Variants in OSGIN1 observed in about 807,000 individuals in gnomAD.
OSGIN1 encodes oxidative stress induced growth inhibitor 1.
OSGIN1 carries 19 observed loss-of-function variants against 20.1 expected under a neutral mutation model. That is an observed-to-expected ratio of 0.95 (90% CI 0.66 to 1.39). The LOEUF (loss-of-function observed/expected upper bound fraction) is 1.39. Ranked by LOEUF, OSGIN1 falls within the 40% of genes most tolerant of loss-of-function variation. The pLI is 0.00. For synonymous variants in OSGIN1, 368 were observed against 297.8 expected, an observed-to-expected ratio of 1.24 and a Z score of -2.43; for missense variants, 820 against 653.0, an observed-to-expected ratio of 1.26 and a Z score of -2.79.
rs932744492 is a variant in OSGIN1, at chr16:83,959,184, C to G, written c.68-76C>G. The G allele has an allele frequency of 2.3e-5, 23 of 1,016,386 alleles. No homozygotes were observed. The African/African-American group carries it at 2.7e-4, about 12-fold the overall frequency. The allele number at this position is 1,016,386 out of a possible 1,614,324, so 63.0% of individuals were successfully genotyped here. A position where few individuals can be genotyped will look rare whatever the true frequency, so the allele number is the denominator to read the frequency against. The stretch of plus-strand genomic sequence containing the variant: ...GGATAAATGAATGAATGCGCCGCAT[C>G]TAGATCAAAGCCCTCCACAGTAGTG... On this transcript the variant is annotated intron_variant, in intron 2 of 5. Transcript: ENST00000393306.
Position 83,965,381 on chromosome 16 carries a change from T to C in OSGIN1, c.808T>C (p.Ser270Pro), listed in dbSNP as rs751896752. The stretch of plus-strand genomic sequence containing the variant: ...CCTGCCCTTCATCCACCATGAGCTG[T>C]CTGCCCTGGAGGCCGCCACAAGGGT... ...EALPFIHHEL[S>P]ALEAATRVGA... Residue 270 changes from serine (S) to proline (P), a missense_variant, in exon 6 of 6, where the codon TCT (serine) becomes CCT (proline). Physicochemically the swap from Ser to Pro is moderately conservative, Grantham distance 74. Transcript: ENST00000393306. The C allele has an allele frequency of 6.4e-7, 1 of 1,573,724 alleles. No homozygotes were observed. Among genetic ancestry groups the C allele is most frequent in the Non-Finnish European group, 8.6e-7 (1 of 1,162,708 alleles).
At chr16:83,956,683 C>A (rs938403770) in intron 1 of OSGIN1, among the ~76,000 whole-genome samples, 1 of 152,206 alleles carries the variant, frequency 6.6e-6, no homozygotes, top group Non-Finnish European at 1.5e-5. Context: ...ACAGGGTCAG[C>A]GTGAGGCGGA....
Position 83,961,038 on chromosome 16 carries a change from C to T in OSGIN1, c.454C>T (p.Leu152=). The change falls in exon 5 of 6, where the codon CTG becomes TTG. Residue 152 remains leucine (L), a synonymous_variant. Transcript: ENST00000393306. Reference sequence around the variant, plus strand: ...AGGCCAGTGGATGGGGCTCCCGGACCTGGAGGTCAAGGACTGGATGCAGAA... The same window carrying T: ...AGGCCAGTGGATGGGGCTCCCGGACTTGGAGGTCAAGGACTGGATGCAGAA... The part of the protein sequence containing the change: ...SQGQWMGLPD[L]EVKDWMQKKR... The T allele has an allele frequency of 1.2e-6, 2 of 1,613,582 alleles. No homozygotes were observed. The highest frequency in any genetic ancestry group is 1.7e-6 in the Non-Finnish European group (2 of 1,180,016).
At chr16:83,960,830 C>T (rs1052100608) in intron 4 of OSGIN1, 70 bp downstream of exon 4, 62 of 1,524,922 alleles carry the variant, frequency 4.1e-5, no homozygotes, top group Admixed American at 5.5e-5. Context: ...GGGGCTGGGA[C>T]TCTGGCATCT....
At chr16:83,958,778 A>G (rs1336049473) in intron 2 of OSGIN1, among the ~76,000 whole-genome samples, 3 of 152,166 alleles carry the variant, frequency 2.0e-5, no homozygotes, top group Non-Finnish European at 4.4e-5. Flanking sequence ...CCACCACTCA[A>G]GTTCGCCCCC....
chr16:83,966,058 A>G lies in OSGIN1; in HGVS notation c.*51A>G. The G allele has an allele frequency of 1.5e-6, 2 of 1,356,834 alleles. No homozygotes were observed. Among genetic ancestry groups the G allele is most frequent in the Non-Finnish European group, 2.0e-6 (2 of 1,015,440 alleles). The allele number at this position is 1,356,834 out of a possible 1,614,324, so 84.0% of individuals were successfully genotyped here. On this transcript the variant is annotated 3_prime_UTR_variant, in exon 6 of 6. Coordinates refer to ENST00000393306, the MANE Select transcript of OSGIN1 (RefSeq NM_182981.3). ...AGGCCCTGAGAGGACAGAGATGACC[A>G]CATCCCTGCTGGATGCAGGACCCGT...
intron 2 of OSGIN1, among the ~76,000 whole-genome samples, chr16:83,958,874 A>G (rs2665299): frequency 0.84 from 127,910 of 152,194 alleles, 54,271 homozygotes; most frequent in African/African-American, 0.96. Flanking sequence ...GTCGTCAGAT[A>G]TTCCCTCTGT....
At chr16:83,954,957 G>T (rs949056040) in intron 1 of OSGIN1, among the ~76,000 whole-genome samples, 3 of 152,212 alleles carry the variant, frequency 2.0e-5, no homozygotes, top group Non-Finnish European at 4.4e-5. Context: ...TGGTGAAGGG[G>T]CTGGGGTGCC....
chr16:83,953,369 A>C lies in OSGIN1; in HGVS notation c.-34A>C. On this transcript the variant is annotated splice_region_variant and 5_prime_UTR_variant, in exon 1 of 6. Transcript: ENST00000393306. ...CTGGGCTCCTGCACCACTGCCTGTC[A>C]GGTGAGTGTCCGGGGCCAGGTTCCG... The C allele has an allele frequency of 7.8e-7, 1 of 1,288,738 alleles. No individual in the cohort carries two copies. Among genetic ancestry groups the C allele is most frequent in the Non-Finnish European group, 1.0e-6 (1 of 988,452 alleles). The allele number at this position is 1,288,738 out of a possible 1,614,324, so 79.8% of individuals were successfully genotyped here. A position where few individuals can be genotyped will look rare whatever the true frequency, so the allele number is the denominator to read the frequency against.
Position 83,960,619 on chromosome 16 carries a change from G to T in OSGIN1, c.255G>T (p.Val85=). 6.2e-7 allele frequency: 1 copy of T among 1,613,480 alleles called. No individual in the cohort carries two copies. The highest frequency in any genetic ancestry group is 8.5e-7 in the Non-Finnish European group (1 of 1,180,026). ...TCGAAGGCCGATCCCAAAGCCCCGT[G>T]GCCCTGCTCTTTGATGCCCTTCTAC... The part of the protein sequence containing the change: ...EGLEGRSQSP[V]ALLFDALLRP... Residue 85 remains valine (V), a synonymous_variant, in exon 4 of 6, where the codon GTG becomes GTT. Transcript: ENST00000393306.
At chr16:83,961,094 T>G (rs368958150) in intron 5 of OSGIN1, 22 bp downstream of exon 5, 2 of 1,589,560 alleles carry the variant, frequency 1.3e-6, no homozygotes, top group East Asian at 2.2e-5. Flanking sequence ...CCGGAACGCC[T>G]TGGGGGACAC....
At chr16:83,960,378 G>A (rs1335463651) in intron 3 of OSGIN1, among the ~76,000 whole-genome samples, 191 bp from the exon 4 acceptor site, 1 of 152,180 alleles carries the variant, frequency 6.6e-6, no homozygotes, top group Non-Finnish European at 1.5e-5. Context: ...CTGTACTCTG[G>A]GGCCCTTGGC....
At chr16:83,959,419 C>T in intron 3 of OSGIN1, 23 bp downstream of exon 3, 1 of 1,611,640 alleles carries the variant, frequency 6.2e-7, no homozygotes, top group African/African-American at 1.3e-5. Context: ...GGGGCCAGAG[C>T]TCTGGGTAGT....
rs1413824732 is a variant in OSGIN1 at position 83,957,633 on chromosome 16, A to G, written c.-32-7A>G. ...TGGACTCTTCCTTCCCCTCTCCCCC[A>G]CTCCAGGTCCGCTGCCAGCCCCAAG... is the stretch of plus-strand genomic sequence containing the variant. On this transcript the variant is annotated splice_polypyrimidine_tract_variant and splice_region_variant and intron_variant, in intron 1 of 5. Transcript: ENST00000393306. 2.7e-6 allele frequency: 4 copies of G among 1,456,964 alleles called. No individual in the cohort carries two copies. The highest frequency in any genetic ancestry group is 3.8e-6 in the Non-Finnish European group (4 of 1,054,534). The allele number at this position is 1,456,964 out of a possible 1,614,324, so 90.3% of individuals were successfully genotyped here. A position where few individuals can be genotyped will look rare whatever the true frequency, so the allele number is the denominator to read the frequency against.
intron 5 of OSGIN1, 126 bp downstream of exon 5, chr16:83,961,198 G>C (rs920551476): frequency 4.2e-6 from 3 of 710,768 alleles, no homozygotes; most frequent in Non-Finnish European, 4.9e-6. Flanking sequence ...GCCCGTGACA[G>C]CCTCAGGAAG....
intron 1 of OSGIN1, among the ~76,000 whole-genome samples, chr16:83,953,793 C>T (rs545824738): frequency 2.6e-5 from 4 of 152,336 alleles, no homozygotes; most frequent in East Asian, 1.9e-4. Context: ...CCTTGGGTGC[C>T]CATGAACAGC....
At chr16:83,962,812 A>G (rs1040934697) in intron 5 of OSGIN1, among the ~76,000 whole-genome samples, 4 of 152,220 alleles carry the variant, frequency 2.6e-5, no homozygotes, top group Non-Finnish European at 5.9e-5. Context: ...CAAAGGAGGC[A>G]ATCAGGTGTG....
At chr16:83,964,339 A>C (rs1360632445) in intron 5 of OSGIN1, among the ~76,000 whole-genome samples, 1 of 152,070 alleles carries the variant, frequency 6.6e-6, no homozygotes, top group Non-Finnish European at 1.5e-5. Context: ...AATAAAATAA[A>C]ATAATAAATT....
chr16:83,963,801 G>A (rs941427889), intron 5 of OSGIN1, among the ~76,000 whole-genome samples: 17 of 152,120 alleles, frequency 1.1e-4, no homozygotes, highest in Admixed American at 3.3e-4. Flanking sequence ...CTCATCTAAG[G>A]TCACACAGTG....
Sources: gnomAD v4.1 joint callset for allele counts (sites outside exome capture counted in the v4.1 genomes callset) on GRCh38, gnomAD v4.1.1 for gene constraint, MANE v1.5 for transcripts, NCBI Gene and HGNC (gene_info 2026-07-23, HGNC 2026-07-21) for gene names.